Variants in DPF3 observed in about 807,000 individuals in gnomAD.
The protein encoded by DPF3 is zinc finger protein DPF3.
DPF3 carries 18 observed loss-of-function variants against 56.8 expected under a neutral mutation model. The ratio of observed to expected loss-of-function variants is 0.32; its 90% CI spans 0.22 to 0.47. DPF3 has a LOEUF of 0.47. DPF3 is among the 20% of genes least tolerant of loss of function. DPF3 has a pLI of 1.00. For synonymous variants in DPF3, 188 were observed against 180.2 expected (o/e 1.04, Z -0.35); for missense variants, 403 against 488.8 (o/e 0.82, Z 1.65).
At chr14:72,833,336 C>T (rs573373843) in intron 1 of DPF3, among the ~76,000 whole-genome samples, 79 of 152,232 alleles carry the variant, frequency 5.2e-4, no homozygotes, top group African/African-American at 1.8e-3. Flanking sequence ...CTCACCCTGA[C>T]GGGGAATCCG....
At chr14:72,758,502 C>T (rs1266785205) in intron 2 of DPF3, among the ~76,000 whole-genome samples, 10 of 152,164 alleles carry the variant, frequency 6.6e-5, no homozygotes, top group Admixed American at 1.3e-4. Context: ...GAGAGCTGCA[C>T]AGAGAATGTG....
At chr14:72,861,076 T>C (rs72732428) in intron 1 of DPF3, among the ~76,000 whole-genome samples, 39,351 of 147,036 alleles carry the variant, frequency 0.27, 5,728 homozygotes, top group Non-Finnish European at 0.33. Flanking sequence ...CACAGACACA[T>C]ACACACTTCC....
chr14:72,629,668 T>C lies in DPF3; in HGVS notation c.940A>G (p.Ile314Val). The part of the protein sequence containing the change: ...EAVKTYKWQC[I>V]ECKSCILCGT... ...CAGAGGATACAGGATTTGCACTCTA[T>C]GCACTGCCACTTGTAGGTCTTGACA... The change falls in exon 9 of 11, where the codon ATA (isoleucine) becomes GTA (valine). Residue 314 changes from isoleucine (I) to valine (V), a missense_variant. Physicochemically the swap from Ile to Val is conservative, Grantham distance 29. Coordinates refer to ENST00000556509, the MANE Select transcript of DPF3 (RefSeq NM_001280542.3). 1 of 1,536,144 alleles carries C rather than the reference T, an allele frequency of 6.5e-7. No homozygotes were observed. The highest frequency in any genetic ancestry group is 1.2e-5 in the South Asian group (1 of 84,062).
chr14:72,887,972 T>TA (rs1039569220), intron 1 of DPF3, among the ~76,000 whole-genome samples: 3 of 150,784 alleles, frequency 2.0e-5, no homozygotes, highest in Non-Finnish European at 3.0e-5. Context: ...TAACAACAAC[T>TA]AAAAAAAAAC....
At chr14:72,879,783 C>T (rs536466950) in intron 1 of DPF3, 6 of 1,527,166 alleles carry the variant, frequency 3.9e-6, no homozygotes, top group Non-Finnish European at 5.2e-6. Context: ...TCACACACGT[C>T]TCTCACACTG....
At chr14:72,758,213 C>T (rs907647626) in intron 2 of DPF3, among the ~76,000 whole-genome samples, 3 of 152,032 alleles carry the variant, frequency 2.0e-5, no homozygotes, top group African/African-American at 7.2e-5. Context: ...TAGCTCCCAC[C>T]TAAAACCAAA....
At chr14:72,888,554 T>G (rs527408916) in intron 1 of DPF3, among the ~76,000 whole-genome samples, 21 of 152,356 alleles carry the variant, frequency 1.4e-4, no homozygotes, top group Middle Eastern at 3.4e-3. Context: ...CAGTCTCTCT[T>G]GCAGTTCAAC....
At chr14:72,676,024 A>C (rs1056730661) in intron 7 of DPF3, among the ~76,000 whole-genome samples, 1 of 152,324 alleles carries the variant, frequency 6.6e-6, no homozygotes, top group Middle Eastern at 3.4e-3. Context: ...TTCTCCCTCA[A>C]TTGCCATCTT....
At chr14:72,854,647 C>G (rs1291639201) in intron 1 of DPF3, among the ~76,000 whole-genome samples, 3 of 152,204 alleles carry the variant, frequency 2.0e-5, no homozygotes, top group African/African-American at 7.2e-5. Context: ...TTGTCATCAG[C>G]AAATCAGTGG....
intron 5 of DPF3, among the ~76,000 whole-genome samples, chr14:72,723,126 G>A (rs1204127544): frequency 6.6e-6 from 1 of 151,906 alleles, no homozygotes; most frequent in Non-Finnish European, 1.5e-5. Flanking sequence ...ATGTTGGTGT[G>A]CTGCACCTAT....
intron 8 of DPF3, chr14:72,661,932 A>G: frequency 7.2e-6 from 7 of 978,634 alleles, no homozygotes; most frequent in Non-Finnish European, 8.4e-6. Flanking sequence ...TTGAGGGGAT[A>G]TATTCCATCA....
chr14:72,699,000 A>C (rs1274637202), intron 6 of DPF3, among the ~76,000 whole-genome samples: 1 of 152,170 alleles, frequency 6.6e-6, no homozygotes, highest in Non-Finnish European at 1.5e-5. Context: ...ATGAAGGAGG[A>C]AAACCAGATT....
intron 3 of DPF3, among the ~76,000 whole-genome samples, chr14:72,743,987 G>A (rs762703301): frequency 6.6e-6 from 1 of 152,252 alleles, no homozygotes; most frequent in Non-Finnish European, 1.5e-5. Flanking sequence ...GCAAGTAGGA[G>A]GTTGCAAGAT....
At chr14:72,781,267 T>C (rs1174280805) in intron 1 of DPF3, among the ~76,000 whole-genome samples, 1 of 152,194 alleles carries the variant, frequency 6.6e-6, no homozygotes, top group Non-Finnish European at 1.5e-5. Flanking sequence ...TCCTCATCCC[T>C]AACAAAATTG....
At chr14:72,815,268 T>C (rs563029668) in intron 1 of DPF3, among the ~76,000 whole-genome samples, 5 of 151,298 alleles carry the variant, frequency 3.3e-5, no homozygotes, top group African/African-American at 1.2e-4. Flanking sequence ...GGAAATGCAA[T>C]TAAAATCACA....
intron 1 of DPF3, among the ~76,000 whole-genome samples, chr14:72,843,226 G>C (rs181789795): frequency 6.6e-6 from 1 of 152,266 alleles, no homozygotes; most frequent in Admixed American, 6.5e-5. Context: ...CTTTGGAAAA[G>C]AGTTGTTTCC....
At chr14:72,887,183 AC>A (rs1360892987) in intron 1 of DPF3, among the ~76,000 whole-genome samples, 2 of 142,244 alleles carry the variant, frequency 1.4e-5, no homozygotes, top group Non-Finnish European at 1.6e-5. Context: ...ACACACACAC[AC>A]ACACACACAC....
intron 1 of DPF3, among the ~76,000 whole-genome samples, chr14:72,809,057 C>G (rs1211234993): frequency 6.6e-6 from 1 of 152,138 alleles, no homozygotes; most frequent in Non-Finnish European, 1.5e-5. Context: ...GAATTAGTTC[C>G]CTGGAGAGTT....
rs1052822941 is a variant in DPF3, at chr14:72,614,833, C to T, written c.*4464G>A. Among the ~76,000 whole-genome samples the T allele has an allele frequency of 9.9e-5, 15 of 151,100 alleles. No individual in the cohort carries two copies. The highest frequency in any genetic ancestry group is 8.6e-4 in the Admixed American group (13 of 15,192). On this transcript the variant is annotated 3_prime_UTR_variant, in exon 11 of 11. Coordinates refer to ENST00000556509, the MANE Select transcript of DPF3 (RefSeq NM_001280542.3). ...ACTCCCACCTGCTGCCCTCCAGCTCCTTAGCTCGAGGATTTCTCCCTGAGG... is the reference window on the plus strand; with the variant it reads ...ACTCCCACCTGCTGCCCTCCAGCTCTTTAGCTCGAGGATTTCTCCCTGAGG...
Sources: gnomAD v4.1 joint callset for allele counts (sites outside exome capture counted in the v4.1 genomes callset) on GRCh38, gnomAD v4.1.1 for gene constraint, MANE v1.5 for transcripts, NCBI Gene and HGNC (gene_info 2026-07-23, HGNC 2026-07-21) for gene names.